Variants in OTOGL observed in about 807,000 individuals in gnomAD.
OTOGL encodes the protein otogelin-like protein.
OTOGL carries 285 observed loss-of-function variants against 318.5 expected under a neutral mutation model. The ratio of observed to expected loss-of-function variants is 0.89; its 90% CI spans 0.81 to 0.99. The LOEUF (loss-of-function observed/expected upper bound fraction) is 0.99, where lower values mean the gene tolerates loss of function less well. OTOGL is among the 50% of genes least tolerant of loss of function. OTOGL has a pLI of 0.00. For missense variants in OTOGL, 2,899 were observed against 2,845.6 expected (o/e 1.02, Z -0.43); for synonymous variants, 987 against 936.5 (o/e 1.05, Z -0.99).
intron 1 of OTOGL, among the ~76,000 whole-genome samples, chr12:80,104,895 C>T (rs962784357): frequency 3.9e-5 from 6 of 152,118 alleles, no homozygotes; most frequent in Non-Finnish European, 7.4e-5. Flanking sequence ...GGGAGTTCGA[C>T]ACCTGCCTGA....
At chr12:80,104,169 G>A (rs1426775437) in intron 1 of OTOGL, among the ~76,000 whole-genome samples, 1 of 152,208 alleles carries the variant, frequency 6.6e-6, no homozygotes, top group Non-Finnish European at 1.5e-5. Flanking sequence ...TCTGAAAGCA[G>A]CTTACAAGCT....
intron 46 of OTOGL, 136 bp downstream of exon 46, chr12:80,353,646 G>A (rs961440510): frequency 4.1e-6 from 3 of 735,204 alleles, no homozygotes; most frequent in African/African-American, 1.8e-5. Context: ...TTTGTTTGTA[G>A]TTTGATTTTA....
intron 11 of OTOGL, among the ~76,000 whole-genome samples, 180 bp downstream of exon 11, chr12:80,239,619 T>C (rs573676402): frequency 6.6e-6 from 1 of 152,278 alleles, no homozygotes; most frequent in African/African-American, 2.4e-5. Flanking sequence ...TTTTTTTTAT[T>C]GATACATAGT....
intron 1 of OTOGL, among the ~76,000 whole-genome samples, chr12:80,163,813 T>C (rs1015981720): frequency 2.0e-5 from 3 of 152,158 alleles, no homozygotes; most frequent in Non-Finnish European, 2.9e-5. Flanking sequence ...TTGCAAGCAT[T>C]TTCCAAGCTT....
intron 1 of OTOGL, among the ~76,000 whole-genome samples, chr12:80,163,851 A>G (rs141212854): frequency 1.3e-5 from 2 of 152,260 alleles, no homozygotes; most frequent in East Asian, 1.9e-4. Flanking sequence ...CTAATATTCC[A>G]TTGGTAAAGT....
At chr12:80,239,240 C>A (rs747578188) in intron 10 of OTOGL, 93 bp from the exon 11 acceptor site, 141 of 1,081,388 alleles carry the variant, frequency 1.3e-4, no homozygotes, top group Non-Finnish European at 1.7e-4. Context: ...CTTGTGAGAA[C>A]TGAAAATCTT....
At chr12:80,352,130 A>G (rs1889586701) in intron 44 of OTOGL, among the ~76,000 whole-genome samples, 165 bp from the exon 45 acceptor site, 2 of 152,202 alleles carry the variant, frequency 1.3e-5, no homozygotes, top group African/African-American at 4.8e-5. Context: ...AAGTGTGTTT[A>G]GAGTGATGTT....
chr12:80,144,209 C>T (rs1185386285), intron 1 of OTOGL, among the ~76,000 whole-genome samples: 2 of 152,190 alleles, frequency 1.3e-5, no homozygotes, highest in Admixed American at 6.5e-5. Flanking sequence ...CTTCCCACTC[C>T]CCCCACCCCA....
intron 55 of OTOGL, among the ~76,000 whole-genome samples, chr12:80,369,223 A>G (rs1189499266): frequency 6.6e-6 from 1 of 152,046 alleles, no homozygotes; most frequent in African/African-American, 2.4e-5. Flanking sequence ...AAAGACAAAA[A>G]TACCTGAATC....
At chr12:80,257,385 A>C (rs1284918248) in intron 17 of OTOGL, among the ~76,000 whole-genome samples, 1 of 151,856 alleles carries the variant, frequency 6.6e-6, no homozygotes, top group Admixed American at 6.6e-5. Flanking sequence ...AATATGGACA[A>C]GAGTTAGGAT....
intron 11 of OTOGL, among the ~76,000 whole-genome samples, chr12:80,242,405 T>TA (rs1268336422): frequency 2.0e-5 from 3 of 152,108 alleles, no homozygotes; most frequent in African/African-American, 4.8e-5. Flanking sequence ...AAGGACATTA[T>TA]AATTAAGTGG....
At chr12:80,205,408 A>T (rs1178577440) in intron 1 of OTOGL, among the ~76,000 whole-genome samples, 2 of 152,204 alleles carry the variant, frequency 1.3e-5, no homozygotes, top group East Asian at 3.9e-4. Context: ...ACTTCTGGGG[A>T]TGAGTGTTAA....
intron 1 of OTOGL, among the ~76,000 whole-genome samples, chr12:80,125,638 G>C (rs1392538766): frequency 6.6e-6 from 1 of 152,134 alleles, no homozygotes. Context: ...TGTACCTCTG[G>C]TAGAATTCGG....
chr12:80,360,693 G>A (rs897004992), intron 52 of OTOGL, among the ~76,000 whole-genome samples: 20 of 151,976 alleles, frequency 1.3e-4, no homozygotes, highest in Admixed American at 1.3e-3. Context: ...TGTTGGCCAG[G>A]ATGGTTTCAA....
intron 44 of OTOGL, among the ~76,000 whole-genome samples, chr12:80,344,403 G>A (rs1325551268): frequency 2.0e-5 from 3 of 152,170 alleles, no homozygotes; most frequent in Non-Finnish European, 4.4e-5. Context: ...TCAGCTGGGT[G>A]TGGTGGCACA....
At chr12:80,220,084 G>A (rs894465871) in intron 6 of OTOGL, among the ~76,000 whole-genome samples, 172 bp downstream of exon 6, 1 of 152,050 alleles carries the variant, frequency 6.6e-6, no homozygotes, top group Admixed American at 6.6e-5. Flanking sequence ...AAAGTAGATA[G>A]GGCCACTTTC....
intron 4 of OTOGL, among the ~76,000 whole-genome samples, chr12:80,212,785 CT>C (rs1877367268): frequency 6.6e-6 from 1 of 152,092 alleles, no homozygotes; most frequent in African/African-American, 2.4e-5. Context: ...TGATAGATGT[CT>C]GAATTTGTGT....
rs531848868 is a variant in OTOGL, at chr12:80,313,558, C to G, written c.3533C>G (p.Thr1178Ser). ...NLGGDCECLC[T>S]SIAAYAYKCC... is the part of the protein sequence containing the mutation. ...GGTGGCGACTGTGAGTGTTTGTGCACTAGTATAGCTGCATATGCATACAAG... is the reference window on the plus strand; with the variant it reads ...GGTGGCGACTGTGAGTGTTTGTGCAGTAGTATAGCTGCATATGCATACAAG... Residue 1178 changes from threonine (T) to serine (S), a missense_variant, in exon 31 of 59, where the codon ACT becomes AGT. Coordinates refer to ENST00000547103, the MANE Select transcript of OTOGL (RefSeq NM_001378609.3). 16 of 1,612,084 alleles carry G rather than the reference C, an allele frequency of 9.9e-6. No individual in the cohort carries two copies. In the African/African-American group the frequency reaches 1.7e-4, roughly 17 times the overall value.
At chr12:80,339,298 GTTTTTTTTTTTTTTTTTTTTTTT>G in intron 43 of OTOGL, 34 bp downstream of exon 43, 1 of 535,102 alleles carries the variant, frequency 1.9e-6, no homozygotes, top group Non-Finnish European at 2.6e-6. Context: ...GATTTCGTCT[GTTTTTTTTTTTTTTTTTTTTTTT>G]TTCTATTCAC....
Sources: gnomAD v4.1 joint callset for allele counts (sites outside exome capture counted in the v4.1 genomes callset) on GRCh38, gnomAD v4.1.1 for gene constraint, MANE v1.5 for transcripts, NCBI Gene and HGNC (gene_info 2026-07-23, HGNC 2026-07-21) for gene names.